Variants in DBX2 observed in about 807,000 individuals in gnomAD.
DBX2 encodes the protein homeobox protein DBX2.
A neutral mutation model predicts 17.7 loss-of-function variants in DBX2; 16 were observed. The ratio of observed to expected loss-of-function variants is 0.90; its 90% CI spans 0.61 to 1.37. DBX2 has a LOEUF of 1.37. Among genes scored for constraint, DBX2 ranks in the 40% most tolerant of loss-of-function variants. The pLI is 0.00. For synonymous variants in DBX2, 255 were observed against 183.8 expected, an observed-to-expected ratio of 1.39 and a Z score of -3.13; for missense variants, 538 against 433.8, an observed-to-expected ratio of 1.24 and a Z score of -2.13.
intron 2 of DBX2, among the ~76,000 whole-genome samples, chr12:45,024,675 G>A (rs2731037): frequency 0.64 from 97,171 of 152,110 alleles, 31,512 homozygotes; most frequent in South Asian, 0.84. Flanking sequence ...AATAAGACAG[G>A]TATGTTTAAT....
intron 3 of DBX2, among the ~76,000 whole-genome samples, chr12:45,020,600 T>G (rs2137018445): frequency 6.6e-6 from 1 of 151,740 alleles, no homozygotes; most frequent in African/African-American, 2.4e-5. Context: ...ACAGGTGATT[T>G]GTACTGTTCT....
chr12:45,029,981 G>A (rs1323582598), intron 2 of DBX2, among the ~76,000 whole-genome samples: 1 of 151,960 alleles, frequency 6.6e-6, no homozygotes, highest in Non-Finnish European at 1.5e-5. Context: ...TGGATTCCAG[G>A]ATCCCCTGGA....
At chr12:45,022,767 C>G (rs1170202413) in intron 3 of DBX2, among the ~76,000 whole-genome samples, 1 of 152,210 alleles carries the variant, frequency 6.6e-6, no homozygotes, top group Non-Finnish European at 1.5e-5. Flanking sequence ...AAAACTCAAT[C>G]TGGCAAACAG....
intron 1 of DBX2, among the ~76,000 whole-genome samples, chr12:45,048,439 C>G (rs34568257): frequency 0.075 from 11,438 of 152,194 alleles, 549 homozygotes; most frequent in Admixed American, 0.12. Context: ...ATGCTGTCCC[C>G]AGAACACCAA....
chr12:45,038,476 A>C (rs565401995), intron 1 of DBX2, among the ~76,000 whole-genome samples: 2 of 151,636 alleles, frequency 1.3e-5, no homozygotes, highest in African/African-American at 4.8e-5. Context: ...TGATATCATT[A>C]ATATAAGGAT....
chr12:45,016,198 G>A lies in DBX2; in HGVS notation c.*88C>T, dbSNP rs1946322213. 3.6e-6 allele frequency: 5 copies of A among 1,384,554 alleles called. No individual in the cohort carries two copies. The highest frequency in any genetic ancestry group is 4.9e-6 in the Non-Finnish European group (5 of 1,029,742). 85.8% of individuals were successfully genotyped at this position (1,384,554 alleles called of 1,614,324 possible). ...TCGCTCCAAAGTTGTTAGGCTCTAA[G>A]CACTGATGAGGTACAAGCTAGCTGG... On this transcript the variant is annotated 3_prime_UTR_variant, in exon 4 of 4. Transcript: ENST00000332700.
At chr12:45,027,677 G>A (rs1946388590) in intron 2 of DBX2, among the ~76,000 whole-genome samples, 1 of 152,128 alleles carries the variant, frequency 6.6e-6, no homozygotes, top group African/African-American at 2.4e-5. Flanking sequence ...GAAAAAAATT[G>A]AAAAGACAAA....
chr12:45,038,479 AT>A (rs1649099070), intron 1 of DBX2, among the ~76,000 whole-genome samples: 1 of 151,532 alleles, frequency 6.6e-6, no homozygotes, highest in Admixed American at 6.6e-5. Context: ...TATCATTAAT[AT>A]AAGGATGCAA....
chr12:45,036,161 A>T (rs767692350), intron 1 of DBX2, 47 bp from the exon 2 acceptor site: 8 of 1,494,718 alleles, frequency 5.4e-6, no homozygotes, highest in Non-Finnish European at 7.2e-6. Flanking sequence ...TCTTTAAGAC[A>T]ATATTCAAAA....
chr12:45,022,987 G>A (rs1056662265), intron 3 of DBX2, among the ~76,000 whole-genome samples: 3 of 152,116 alleles, frequency 2.0e-5, no homozygotes, highest in East Asian at 1.9e-4. Flanking sequence ...TTTAGAAAAC[G>A]GGGATTATTA....
In DBX2 at chr12:45,036,133, T is replaced by A; in HGVS notation, c.404-19A>T. ...GAAGGTGCTGCAGAGAAAGCATTGA[T>A]CTCATTGATTAGCCATTTCTTTAAG... On this transcript the variant is annotated intron_variant, in intron 1 of 3. Coordinates refer to ENST00000332700, the MANE Select transcript of DBX2 (RefSeq NM_001004329.3). The A allele has an allele frequency of 6.3e-7, 1 of 1,584,626 alleles. No homozygotes were observed. Among genetic ancestry groups the A allele is most frequent in the Non-Finnish European group, 8.6e-7 (1 of 1,167,028 alleles).
Position 45,050,756 on chromosome 12 carries a change from C to T in DBX2, c.172G>A (p.Ala58Thr), listed in dbSNP as rs760536409. The change falls in exon 1 of 4, where the codon GCG becomes ACG. Residue 58 changes from alanine (A) to threonine (T), a missense_variant. By Grantham distance (58) the Ala-to-Thr change is moderately conservative. Coordinates refer to ENST00000332700, the MANE Select transcript of DBX2 (RefSeq NM_001004329.3). ...AGGGCGGTCGCCGGGTCGTGGGGCG[C>T]GGGCGGCTGCAGCCTGGGCGTTGGG... ...GAPTPRLQPPAPHDPATALAT... is the reference protein window; with the variant it reads ...GAPTPRLQPPTPHDPATALAT... The T allele has an allele frequency of 1.3e-6, 2 of 1,502,284 alleles. No individual in the cohort carries two copies. The highest frequency in any genetic ancestry group is 1.8e-6 in the Non-Finnish European group (2 of 1,126,638). 93.1% of individuals were successfully genotyped at this position (1,502,284 alleles called of 1,614,324 possible). A position where few individuals can be genotyped will look rare whatever the true frequency, so the allele number is the denominator to read the frequency against.
Position 45,050,463 on chromosome 12 carries a change from C to A in DBX2, c.403+62G>T. ...GTGCGCACCGCCGGCGCTCCCAGAT[C>A]CCTGGACCACCCGGCCTGGGGGCGC... On this transcript the variant is annotated intron_variant, in intron 1 of 3. Coordinates refer to ENST00000332700, the MANE Select transcript of DBX2 (RefSeq NM_001004329.3). 2.0e-6 allele frequency: 3 copies of A among 1,533,094 alleles called. No individual in the cohort carries two copies. The South Asian group carries it at 3.7e-5, about 19-fold the overall frequency. 95.0% of individuals were successfully genotyped at this position (1,533,094 alleles called of 1,614,324 possible).
chr12:45,032,717 G>A (rs1592754704), intron 2 of DBX2, among the ~76,000 whole-genome samples: 1 of 152,084 alleles, frequency 6.6e-6, no homozygotes, highest in Non-Finnish European at 1.5e-5. Flanking sequence ...AAGAATATTT[G>A]GCTCAAATCT....
At position 45,023,872 on chromosome 12, in the gene DBX2, G is replaced by C. The variant is rs772714788; in HGVS notation, c.522C>G (p.Leu174=). Residue 174 remains leucine, a synonymous_variant, in exon 3 of 4, where the codon CTC becomes CTG. Transcript: ENST00000332700. The part of the protein sequence containing the change: ...AFPREESMLP[L]LTQDSNSKAR... ...CTTTGGAATTAGAGTCCTGTGTCAG[G>C]AGAGGCAGCATGCTCTCTTCTCCTA... 7.0e-6 allele frequency: 11 copies of C among 1,580,424 alleles called. No individual in the cohort carries two copies. In the East Asian group the frequency reaches 2.5e-4, roughly 35 times the overall value.
intron 1 of DBX2, among the ~76,000 whole-genome samples, chr12:45,042,797 G>A (rs766449355): frequency 6.6e-6 from 1 of 152,128 alleles, no homozygotes; most frequent in Admixed American, 6.5e-5. Context: ...ACAAGCATTT[G>A]TGTGAACACT....
chr12:45,016,540 G>T lies in DBX2; in HGVS notation c.766C>A (p.Gln256Lys), dbSNP rs143776487. 28 of 1,600,976 alleles carry T rather than the reference G, an allele frequency of 1.7e-5. No individual in the cohort carries two copies. The African/African-American group carries it at 3.6e-4, about 21-fold the overall frequency. Residue 256 changes from glutamine (Q) to lysine (K), a missense_variant, in exon 4 of 4, where the codon CAA becomes AAA. Coordinates refer to ENST00000332700, the MANE Select transcript of DBX2 (RefSeq NM_001004329.3). ...EKEVLSNRCIQEVGLQEDPLS... is the reference protein window; with the variant it reads ...EKEVLSNRCIKEVGLQEDPLS... ...GGATCCTCTTGAAGACCTACTTCTT[G>T]GATACACCTGTTGGAAAGCACTTCC...
chr12:45,031,528 T>C (rs962702243), intron 2 of DBX2, among the ~76,000 whole-genome samples: 5 of 152,166 alleles, frequency 3.3e-5, no homozygotes, highest in Admixed American at 6.5e-5. Flanking sequence ...AAAACTCTCA[T>C]GTTCTCCCTA....
chr12:45,044,561 T>G (rs1038802254), intron 1 of DBX2, among the ~76,000 whole-genome samples: 7 of 152,126 alleles, frequency 4.6e-5, no homozygotes, highest in African/African-American at 1.7e-4. Context: ...GAAAGAAAAG[T>G]GAAAAATCTA....
Sources: gnomAD v4.1 joint callset for allele counts (sites outside exome capture counted in the v4.1 genomes callset) on GRCh38, gnomAD v4.1.1 for gene constraint, MANE v1.5 for transcripts, NCBI Gene and HGNC (gene_info 2026-07-23, HGNC 2026-07-21) for gene names.